Variants in ADCY10 observed in about 807,000 individuals in gnomAD.
The protein encoded by ADCY10 is adenylate cyclase type 10.
Under a neutral mutation model 183.3 loss-of-function variants are expected in ADCY10, and 156 were observed. The ratio of observed to expected loss-of-function variants is 0.85; its 90% CI spans 0.75 to 0.97. The LOEUF (loss-of-function observed/expected upper bound fraction) is 0.97. ADCY10 is among the 50% of genes least tolerant of loss of function. ADCY10 has a pLI of 0.00. For missense variants in ADCY10, 1,745 were observed against 1,934.3 expected (o/e 0.90, Z 1.84); for synonymous variants, 645 against 670.0 (o/e 0.96, Z 0.58).
At chr1:167,816,819 TAGAG>T (rs34839540) in intron 31 of ADCY10, among the ~76,000 whole-genome samples, 1 of 152,010 alleles carries the variant, frequency 6.6e-6, no homozygotes. Flanking sequence ...AGAAATTCTT[TAGAG>T]AGAAGGAAAA....
chr1:167,854,457 A>G lies in ADCY10; in HGVS notation c.2204T>C (p.Phe735Ser). 1 of 1,614,176 alleles carries G rather than the reference A, an allele frequency of 6.2e-7. No individual in the cohort carries two copies. The highest frequency in any genetic ancestry group is 8.5e-7 in the Non-Finnish European group (1 of 1,180,036). The change falls in exon 18 of 33, where the codon TTT becomes TCT. Residue 735 changes from phenylalanine (F) to serine (S), a missense_variant. By Grantham distance (155) the Phe-to-Ser change is radical. Coordinates refer to ENST00000367851, the MANE Select transcript of ADCY10 (RefSeq NM_018417.6). ...YLGEGSCGIP[F>S]YCEELLKNLE... ...GTTTTTAAGCAATTCTTCACAGTAA[A>G]ATGGAATCCCACAGCTTCCCTCCCC...
rs929772778 is a variant in ADCY10, at chr1:167,861,206, T to C, written c.1617-143A>G. On this transcript the variant is annotated intron_variant, in intron 14 of 32. Coordinates refer to ENST00000367851, the MANE Select transcript of ADCY10 (RefSeq NM_018417.6). ...CAAGCTATCTCGCAATGGTTCTTTA[T>C]TGCTGCTTCTGATATACTCCCTCTT... 1.2e-5 allele frequency: 9 copies of C among 731,420 alleles called. No individual in the cohort carries two copies. The East Asian group carries it at 2.2e-4, about 18-fold the overall frequency. 45.3% of individuals were successfully genotyped at this position (731,420 alleles called of 1,614,324 possible). A position where few individuals can be genotyped will look rare whatever the true frequency, so the allele number is the denominator to read the frequency against.
intron 8 of ADCY10, among the ~76,000 whole-genome samples, 159 bp downstream of exon 8, chr1:167,893,694 T>TC (rs1421907286): frequency 2.3e-4 from 10 of 43,210 alleles, no homozygotes; most frequent in African/African-American, 1.1e-3. Context: ...AGACTCTGTC[T>TC]CAAAAAAAAA....
At chr1:167,849,078 C>T (rs781423251) in intron 18 of ADCY10, among the ~76,000 whole-genome samples, 3 of 152,060 alleles carry the variant, frequency 2.0e-5, no homozygotes, top group East Asian at 1.9e-4. Context: ...TAAGGCTTTA[C>T]AAACGTTTGA....
At chr1:167,834,465 A>G in intron 23 of ADCY10, 1 of 276,790 alleles carries the variant, frequency 3.6e-6, no homozygotes. Context: ...GCATCCCCAC[A>G]TCTGTGAGAA....
chr1:167,911,350 A>G (rs1557843241), intron 1 of ADCY10, among the ~76,000 whole-genome samples: 1 of 152,268 alleles, frequency 6.6e-6, no homozygotes, highest in Non-Finnish European at 1.5e-5. Context: ...TAATAAAGAA[A>G]TCAATGTACT....
intron 21 of ADCY10, among the ~76,000 whole-genome samples, chr1:167,843,533 C>T (rs779063089): frequency 1.3e-5 from 2 of 152,104 alleles, no homozygotes; most frequent in African/African-American, 4.8e-5. Context: ...AGCGCATCTT[C>T]TCGGTGCTCC....
chr1:167,828,394 A>T (rs1429448659), intron 26 of ADCY10, among the ~76,000 whole-genome samples: 1 of 152,208 alleles, frequency 6.6e-6, no homozygotes, highest in Non-Finnish European at 1.5e-5. Flanking sequence ...CTATCTTTTT[A>T]AAAAAGAATT....
chr1:167,875,693 G>T (rs980278190), intron 12 of ADCY10, among the ~76,000 whole-genome samples: 4 of 152,220 alleles, frequency 2.6e-5, no homozygotes, highest in African/African-American at 9.6e-5. Context: ...ACTCACGCCT[G>T]TAATCCCAGC....
Position 167,827,462 on chromosome 1 carries a change from G to A in ADCY10, c.3750+1805C>T, listed in dbSNP as rs188837077. Among the ~76,000 whole-genome samples the A allele has an allele frequency of 3.1e-3, 468 of 149,002 alleles. 2 individuals are homozygous for A. Among genetic ancestry groups the A allele is most frequent in the Admixed American group, 7.3e-3 (110 of 14,986 alleles). On this transcript the variant is annotated intron_variant, in intron 26 of 32. Coordinates refer to ENST00000367851, the MANE Select transcript of ADCY10 (RefSeq NM_018417.6). ...ATTACAGGCATAAGCCACCATGCCCGGCCTGCTGATTTAATGTACTTTTAT... is the reference window on the plus strand; with the variant it reads ...ATTACAGGCATAAGCCACCATGCCCAGCCTGCTGATTTAATGTACTTTTAT...
rs1271835109 is a variant in ADCY10, at chr1:167,864,113, C to G, written c.1617-3050G>C. 3.3e-5 allele frequency among the ~76,000 whole-genome samples: 5 copies of G among 152,266 alleles called. No homozygotes were observed. In the South Asian group the frequency reaches 1.0e-3, roughly 32 times the overall value. On this transcript the variant is annotated intron_variant, in intron 14 of 32. Coordinates refer to ENST00000367851, the MANE Select transcript of ADCY10 (RefSeq NM_018417.6). ...TACTTTGGTTTTGGTTTTGACCTGGCTTGGATTTCTGAATACTCTGATTTT... is the reference window on the plus strand; with the variant it reads ...TACTTTGGTTTTGGTTTTGACCTGGGTTGGATTTCTGAATACTCTGATTTT...
At chr1:167,897,383 G>C (rs1016152090) in intron 6 of ADCY10, among the ~76,000 whole-genome samples, 2 of 150,650 alleles carry the variant, frequency 1.3e-5, no homozygotes, top group African/African-American at 2.4e-5. Context: ...TGTGGTCCCA[G>C]TTACTCAGGA....
chr1:167,862,101 C>T (rs1184375813), intron 14 of ADCY10, among the ~76,000 whole-genome samples: 1 of 152,214 alleles, frequency 6.6e-6, no homozygotes, highest in African/African-American at 2.4e-5. Flanking sequence ...ACGACTAACA[C>T]ATTATCTCTC....
chr1:167,907,838 A>T (rs1210471861), intron 1 of ADCY10, among the ~76,000 whole-genome samples: 1 of 152,248 alleles, frequency 6.6e-6, no homozygotes, highest in Non-Finnish European at 1.5e-5. Context: ...AGTAAAATAT[A>T]CAAAATTATA....
intron 9 of ADCY10, among the ~76,000 whole-genome samples, chr1:167,881,164 G>A (rs546476399): frequency 1.3e-5 from 2 of 152,168 alleles, no homozygotes; most frequent in African/African-American, 4.8e-5. Flanking sequence ...TGCAGATACT[G>A]TTATTCTTAG....
chr1:167,899,974 T>G (rs1393506132), intron 5 of ADCY10, among the ~76,000 whole-genome samples: 2 of 152,198 alleles, frequency 1.3e-5, no homozygotes, highest in Non-Finnish European at 2.9e-5. Context: ...TTGGGAGAAT[T>G]TGCATTTTAG....
intron 21 of ADCY10, among the ~76,000 whole-genome samples, chr1:167,845,345 C>A (rs1368931348): frequency 6.6e-6 from 1 of 152,144 alleles, no homozygotes; most frequent in Non-Finnish European, 1.5e-5. Flanking sequence ...CAAACCCTCC[C>A]TGACAGTTAT....
chr1:167,841,983 T>C (rs1316314466), intron 21 of ADCY10, among the ~76,000 whole-genome samples: 1 of 152,102 alleles, frequency 6.6e-6, no homozygotes, highest in Non-Finnish European at 1.5e-5. Flanking sequence ...ACTGATGAAA[T>C]AGGTGGAAGA....
At chr1:167,907,599 C>T (rs1669904028) in intron 1 of ADCY10, among the ~76,000 whole-genome samples, 1 of 152,154 alleles carries the variant, frequency 6.6e-6, no homozygotes, top group South Asian at 2.1e-4. Context: ...GAAGTGCACT[C>T]CTACCATGTG....
Sources: gnomAD v4.1 joint callset for allele counts (sites outside exome capture counted in the v4.1 genomes callset) on GRCh38, gnomAD v4.1.1 for gene constraint, MANE v1.5 for transcripts, NCBI Gene and HGNC (gene_info 2026-07-23, HGNC 2026-07-21) for gene names.